The following ROBO2 variants were observed in gnomAD, a reference collection of about 807,000 sequenced individuals.
The protein encoded by ROBO2 is roundabout homolog 2.
Under a neutral mutation model 160.8 loss-of-function variants are expected in ROBO2, and 53 were observed. That is an observed-to-expected ratio of 0.33 (90% CI 0.26 to 0.41). The LOEUF is 0.41. ROBO2 is among the 10% of genes least tolerant of loss of function. The probability of loss-of-function intolerance (pLI) is 1.00; values close to 1 mark genes in which losing one functional copy is unlikely to be tolerated. For missense variants in ROBO2, 1,577 were observed against 1,722.4 expected (o/e 0.92, Z 1.49); for synonymous variants, 664 against 611.7 (o/e 1.09, Z -1.26).
At chr3:76,327,317 A>G (rs992426436) in intron 2 of ROBO2, among the ~76,000 whole-genome samples, 3 of 152,090 alleles carry the variant, frequency 2.0e-5, no homozygotes, top group African/African-American at 4.8e-5. Flanking sequence ...TAATATTTAT[A>G]TATTTGTTCA....
chr3:77,640,260 C>T (rs990050080), intron 24 of ROBO2, among the ~76,000 whole-genome samples: 3 of 151,908 alleles, frequency 2.0e-5, no homozygotes, highest in East Asian at 1.9e-4. Context: ...TAAAGGCGCC[C>T]GCCACCACAC....
At chr3:76,123,873 T>C (rs2070855548) in intron 2 of ROBO2, among the ~76,000 whole-genome samples, 1 of 152,266 alleles carries the variant, frequency 6.6e-6, no homozygotes, top group East Asian at 1.9e-4. Flanking sequence ...CAGTTGTAAA[T>C]GACCTGGCTT....
chr3:76,638,675 A>T (rs531881625), intron 2 of ROBO2, among the ~76,000 whole-genome samples: 1 of 152,144 alleles, frequency 6.6e-6, no homozygotes, highest in Non-Finnish European at 1.5e-5. Context: ...TAATGTTGCT[A>T]TTTTTTAAAA....
At chr3:76,777,330 T>TA (rs1357346537) in intron 2 of ROBO2, among the ~76,000 whole-genome samples, 2 of 151,076 alleles carry the variant, frequency 1.3e-5, no homozygotes, top group African/African-American at 4.8e-5. Context: ...TGACTTTTTT[T>TA]AAGGAGATAT....
intron 2 of ROBO2, among the ~76,000 whole-genome samples, chr3:77,164,065 G>GC (rs1480774670): frequency 6.6e-6 from 1 of 152,126 alleles, no homozygotes; most frequent in African/African-American, 2.4e-5. Context: ...GTGTAGAGAT[G>GC]CTACATGAAT....
intron 24 of ROBO2, among the ~76,000 whole-genome samples, chr3:77,644,120 TAAA>T (rs35421897): frequency 1.1e-3 from 160 of 150,570 alleles, no homozygotes; most frequent in Middle Eastern, 3.5e-3. Flanking sequence ...AGACAATCTG[TAAA>T]AAAAAAAAAT....
chr3:76,219,276 A>G (rs1191975035), intron 2 of ROBO2, among the ~76,000 whole-genome samples: 2 of 152,222 alleles, frequency 1.3e-5, no homozygotes, highest in Admixed American at 6.5e-5. Flanking sequence ...CAAGGACTTC[A>G]TGTCTAAAAC....
intron 2 of ROBO2, among the ~76,000 whole-genome samples, chr3:77,010,864 C>CCCTACCTACCTTCCTCCCTCCCTCCCTA (rs746650795): frequency 9.1e-6 from 1 of 109,894 alleles, no homozygotes; most frequent in Non-Finnish European, 1.9e-5. Flanking sequence ...CTCCCTCCCT[C>CCCTACCTACCTTCCTCCCTCCCTCCCTA]CCTACCTTCC....
At chr3:76,953,755 C>T (rs1209283576) in intron 2 of ROBO2, among the ~76,000 whole-genome samples, 8 of 152,178 alleles carry the variant, frequency 5.3e-5, no homozygotes, top group African/African-American at 1.9e-4. Flanking sequence ...AGCAAGCACG[C>T]GCACACACAT....
chr3:77,452,028 T>C (rs113631936), intron 2 of ROBO2, among the ~76,000 whole-genome samples: 2,583 of 152,246 alleles, frequency 0.017, 48 homozygotes, highest in Non-Finnish European at 0.027. Flanking sequence ...TGTTTGGTTT[T>C]TTGTCCTTGG....
intron 1 of ROBO2, among the ~76,000 whole-genome samples, chr3:75,913,724 A>G (rs1326511318): frequency 6.6e-6 from 1 of 152,196 alleles, no homozygotes; most frequent in South Asian, 2.1e-4. Flanking sequence ...TATCTTCCAT[A>G]TTGCTTATTT....
intron 2 of ROBO2, among the ~76,000 whole-genome samples, chr3:76,533,538 T>C (rs2082336773): frequency 6.6e-6 from 1 of 152,156 alleles, no homozygotes; most frequent in Non-Finnish European, 1.5e-5. Context: ...GGCATAAGCA[T>C]AGTGGAAACA....
chr3:76,769,971 G>A (rs2061790263), intron 2 of ROBO2, among the ~76,000 whole-genome samples: 1 of 151,334 alleles, frequency 6.6e-6, no homozygotes, highest in Admixed American at 6.6e-5. Context: ...ATTACTGGAA[G>A]CTTCCAAGAA....
chr3:77,395,320 G>A (rs181694095), intron 2 of ROBO2, among the ~76,000 whole-genome samples: 35 of 152,248 alleles, frequency 2.3e-4, no homozygotes, highest in Non-Finnish European at 4.0e-4. Flanking sequence ...CCGCTTTCCC[G>A]GAGGGGTGGG....
chr3:76,420,699 C>T (rs1281789522), intron 2 of ROBO2, among the ~76,000 whole-genome samples: 2 of 152,140 alleles, frequency 1.3e-5, no homozygotes. Flanking sequence ...CTGTATAGTT[C>T]AAGCAATTGT....
intron 2 of ROBO2, among the ~76,000 whole-genome samples, chr3:76,964,185 A>G (rs537906047): frequency 1.3e-5 from 2 of 152,340 alleles, no homozygotes; most frequent in South Asian, 4.1e-4. Context: ...TTTTTTTCTC[A>G]TATGTGTGAT....
intron 2 of ROBO2, among the ~76,000 whole-genome samples, chr3:76,426,238 GACAGC>G (rs1193629582): frequency 6.6e-6 from 1 of 152,128 alleles, no homozygotes; most frequent in Non-Finnish European, 1.5e-5. Flanking sequence ...GTACCACTTT[GACAGC>G]ATATATCCTG....
chr3:76,243,532 A>G (rs974310913), intron 2 of ROBO2, among the ~76,000 whole-genome samples: 7 of 152,240 alleles, frequency 4.6e-5, no homozygotes, highest in African/African-American at 1.7e-4. Context: ...AGCAGCCGGG[A>G]GTCTCTGGGA....
chr3:77,372,094 A>G (rs2071839469), intron 2 of ROBO2, among the ~76,000 whole-genome samples: 1 of 152,132 alleles, frequency 6.6e-6, no homozygotes, highest in African/African-American at 2.4e-5. Flanking sequence ...GAAAGAATTT[A>G]GAGACTGTAA....
Sources: allele counts gnomAD v4.1 joint callset (sites outside exome capture counted in the v4.1 genomes callset), GRCh38; gene constraint gnomAD v4.1.1; transcripts MANE v1.5; gene names NCBI Gene and HGNC (gene_info 2026-07-23, HGNC 2026-07-21).